KPNA6: variants seen among roughly 807,000 people sequenced by gnomAD.
KPNA6 encodes karyopherin subunit alpha 6.
A neutral mutation model predicts 72.0 loss-of-function variants in KPNA6; 9 were observed. The observed-to-expected ratio is 0.13, with a 90% CI of 0.08 to 0.22. The LOEUF is 0.22. Ranked by LOEUF, KPNA6 falls within the 10% of genes least tolerant of loss-of-function variation. The pLI is 1.00. For synonymous variants in KPNA6, 219 were observed against 242.1 expected, an observed-to-expected ratio of 0.90 and a Z score of 0.89; for missense variants, 374 against 655.7, an observed-to-expected ratio of 0.57 and a Z score of 4.69.
chr1:32,141,924 C>T (rs1388037016), intron 1 of KPNA6, among the ~76,000 whole-genome samples: 1 of 152,046 alleles, frequency 6.6e-6, no homozygotes, highest in African/African-American at 2.4e-5. Flanking sequence ...GTGGTTTAAA[C>T]AACAGAAATG....
chr1:32,163,131 G>C, intron 9 of KPNA6, 104 bp from the exon 10 acceptor site: 1 of 703,746 alleles, frequency 1.4e-6, no homozygotes. Flanking sequence ...GAAAAAAAAA[G>C]GGTACAGGTT....
At chr1:32,165,855 G>A (rs961120401) in intron 10 of KPNA6, among the ~76,000 whole-genome samples, 6 of 151,646 alleles carry the variant, frequency 4.0e-5, no homozygotes, top group Admixed American at 2.6e-4. Flanking sequence ...AAAATTTTCC[G>A]GGCGTGGTGG....
chr1:32,128,402 T>A (rs1281627414), intron 1 of KPNA6, among the ~76,000 whole-genome samples: 1 of 124,262 alleles, frequency 8.0e-6, no homozygotes, highest in Non-Finnish European at 1.7e-5. Flanking sequence ...TATATATATA[T>A]ATATATATAT....
At chr1:32,150,396 G>A (rs1044087576) in intron 1 of KPNA6, among the ~76,000 whole-genome samples, 1 of 151,872 alleles carries the variant, frequency 6.6e-6, no homozygotes, top group Non-Finnish European at 1.5e-5. Context: ...GCCTCCCAAC[G>A]TGTTGGGATT....
At chr1:32,128,321 G>A (rs1295395705) in intron 1 of KPNA6, among the ~76,000 whole-genome samples, 3 of 146,584 alleles carry the variant, frequency 2.0e-5, no homozygotes, top group Admixed American at 7.0e-5. Flanking sequence ...TAAATCCTAA[G>A]AGAGAATTAG....
At position 32,174,547 on chromosome 1, in the gene KPNA6, A is replaced by C. The variant is rs1642494427; in HGVS notation, c.*3653A>C. The C allele has an allele frequency of 6.6e-6, 1 of 152,214 alleles. No individual in the cohort carries two copies. Among genetic ancestry groups the C allele is most frequent in the Non-Finnish European group, 1.5e-5 (1 of 68,056 alleles). 9.4% of individuals were successfully genotyped at this position (152,214 alleles called of 1,614,324 possible). ...ACCTCACCTCTCATACACCTCTTTG[A>C]AGGCCCCAGCTCTTTTGTTCAGGCC... On this transcript the variant is annotated 3_prime_UTR_variant, in exon 14 of 14. Coordinates refer to ENST00000373625, the MANE Select transcript of KPNA6 (RefSeq NM_012316.5).
Position 32,163,325 on chromosome 1 carries a change from G to T in KPNA6, c.990+12G>T. 6.9e-6 allele frequency: 11 copies of T among 1,595,548 alleles called. No individual in the cohort carries two copies. The highest frequency in any genetic ancestry group is 9.4e-6 in the Non-Finnish European group (11 of 1,165,574). ...ACATCCAGACCCAGGTAAGAAAGAG[G>T]AGGGTGCAGGATCTTAGACCAGCTA... On this transcript the variant is annotated intron_variant, in intron 10 of 13. Coordinates refer to ENST00000373625, the MANE Select transcript of KPNA6 (RefSeq NM_012316.5).
chr1:32,169,444 T>C (rs927449466), intron 12 of KPNA6, among the ~76,000 whole-genome samples: 12 of 148,954 alleles, frequency 8.1e-5, no homozygotes, highest in Admixed American at 4.7e-4. Context: ...CTTTTTTCTT[T>C]TCTTTTCTTT....
chr1:32,124,792 C>G (rs537838161), intron 1 of KPNA6, among the ~76,000 whole-genome samples: 1 of 139,480 alleles, frequency 7.2e-6, no homozygotes, highest in Non-Finnish European at 1.6e-5. Flanking sequence ...CAAGTGTGAG[C>G]CAACGTGTTC....
intron 1 of KPNA6, among the ~76,000 whole-genome samples, chr1:32,118,104 A>G (rs548990093): frequency 2.0e-5 from 3 of 152,008 alleles, no homozygotes; most frequent in South Asian, 2.1e-4. Context: ...TTGTATTTTT[A>G]GTAGAGACGG....
intron 1 of KPNA6, among the ~76,000 whole-genome samples, chr1:32,110,109 T>C (rs1641220951): frequency 7.0e-6 from 1 of 143,770 alleles, no homozygotes; most frequent in Non-Finnish European, 1.5e-5. Context: ...TTGTCTCCCA[T>C]GCTGGAGTGC....
chr1:32,173,142 A>C lies in KPNA6; in HGVS notation c.*2248A>C. ...GAATCTTTTTTTCACTTGGCCTGCT[A>C]CCTCCATTAAAAAACCATTCTCTTA... On this transcript the variant is annotated 3_prime_UTR_variant, in exon 14 of 14. Transcript: ENST00000373625. The C allele has an allele frequency of 2.6e-6, 1 of 384,034 alleles. No homozygotes were observed. Among genetic ancestry groups the C allele is most frequent in the African/African-American group, 2.3e-5 (1 of 42,786 alleles). The allele number at this position is 384,034 out of a possible 1,614,324, so 23.8% of individuals were successfully genotyped here.
At chr1:32,143,451 G>C (rs905412733) in intron 1 of KPNA6, among the ~76,000 whole-genome samples, 1 of 151,786 alleles carries the variant, frequency 6.6e-6, no homozygotes, top group African/African-American at 2.4e-5. Flanking sequence ...CGGGCATGGT[G>C]GTGGGTGCCT....
Position 32,172,135 on chromosome 1 carries a change from G to A in KPNA6, c.*1241G>A, listed in dbSNP as rs1642450161. ...GAACTGTCTGTCATTTCGGTAAGTA[G>A]GATACTGTGAGGAAGACCAAAAAGA... On this transcript the variant is annotated 3_prime_UTR_variant, in exon 14 of 14. Transcript: ENST00000373625. 1 of 152,118 alleles carries A rather than the reference G, an allele frequency of 6.6e-6. No individual in the cohort carries two copies. Among genetic ancestry groups the A allele is most frequent in the African/African-American group, 2.4e-5 (1 of 41,416 alleles). The allele number at this position is 152,118 out of a possible 1,614,324, so 9.4% of individuals were successfully genotyped here. A position where few individuals can be genotyped will look rare whatever the true frequency, so the allele number is the denominator to read the frequency against.
intron 1 of KPNA6, among the ~76,000 whole-genome samples, chr1:32,119,155 T>C (rs1193990364): frequency 6.7e-6 from 1 of 150,226 alleles, no homozygotes; most frequent in Non-Finnish European, 1.5e-5. Flanking sequence ...TTCAGCCTAC[T>C]GAGTAGCTGG....
At chr1:32,143,860 C>A (rs1211951440) in intron 1 of KPNA6, among the ~76,000 whole-genome samples, 2 of 152,106 alleles carry the variant, frequency 1.3e-5, no homozygotes, top group African/African-American at 2.4e-5. Flanking sequence ...TTGCTTATTT[C>A]ACTTAGCACA....
intron 1 of KPNA6, among the ~76,000 whole-genome samples, chr1:32,138,148 A>C (rs1641771479): frequency 6.6e-6 from 1 of 151,972 alleles, no homozygotes; most frequent in Admixed American, 6.6e-5. Flanking sequence ...AAAAAAAAAA[A>C]ATAGGGAAGA....
chr1:32,141,324 A>G (rs1641831620), intron 1 of KPNA6, among the ~76,000 whole-genome samples: 1 of 136,570 alleles, frequency 7.3e-6, no homozygotes, highest in African/African-American at 2.7e-5. Flanking sequence ...GACCTGAGTG[A>G]GCCTCAGTTT....
At chr1:32,113,571 G>C (rs187449655) in intron 1 of KPNA6, among the ~76,000 whole-genome samples, 10 of 152,162 alleles carry the variant, frequency 6.6e-5, no homozygotes, top group Admixed American at 5.2e-4. Flanking sequence ...TCCTACTTCA[G>C]CCTCCCGAGT....
Sources: gnomAD v4.1 joint callset for allele counts (sites outside exome capture counted in the v4.1 genomes callset) on GRCh38, gnomAD v4.1.1 for gene constraint, MANE v1.5 for transcripts, NCBI Gene and HGNC (gene_info 2026-07-23, HGNC 2026-07-21) for gene names.